Variants in PTPRN2 observed in about 807,000 individuals in gnomAD.
PTPRN2 encodes the protein protein tyrosine phosphatase receptor type N2.
A neutral mutation model predicts 118.8 loss-of-function variants in PTPRN2; 74 were observed. The ratio of observed to expected loss-of-function variants is 0.62; its 90% CI spans 0.52 to 0.76. PTPRN2 has a LOEUF of 0.76. PTPRN2 is among the 30% of genes least tolerant of loss of function. The pLI, the probability that PTPRN2 is intolerant of heterozygous loss-of-function variation, is 0.00. For missense variants in PTPRN2, 1,481 were observed against 1,394.4 expected (o/e 1.06, Z -0.99); for synonymous variants, 641 against 608.0 (o/e 1.05, Z -0.80).
At chr7:157,778,489 T>A (rs548415402) in intron 12 of PTPRN2, among the ~76,000 whole-genome samples, 1 of 151,248 alleles carries the variant, frequency 6.6e-6, no homozygotes, top group East Asian at 1.9e-4. Flanking sequence ...CATGTAAACA[T>A]GTACACGTGA....
intron 1 of PTPRN2, among the ~76,000 whole-genome samples, chr7:158,497,835 G>A (rs1267860057): frequency 6.6e-6 from 1 of 152,252 alleles, no homozygotes. Flanking sequence ...GGGGACACCT[G>A]TCCGTCCCCT....
At chr7:157,563,969 C>G (rs1381203612) in intron 21 of PTPRN2, among the ~76,000 whole-genome samples, 1 of 152,254 alleles carries the variant, frequency 6.6e-6, no homozygotes, top group Non-Finnish European at 1.5e-5. Context: ...GCTCTCTGCT[C>G]CATGGCCCCT....
intron 9 of PTPRN2, among the ~76,000 whole-genome samples, chr7:158,121,860 G>T (rs1563463641): frequency 6.6e-6 from 1 of 152,194 alleles, no homozygotes; most frequent in Non-Finnish European, 1.5e-5. Context: ...GGGCATCACG[G>T]CTCCTCTGTA....
At chr7:158,278,102 G>A (rs528579879) in intron 3 of PTPRN2, among the ~76,000 whole-genome samples, 13 of 152,278 alleles carry the variant, frequency 8.5e-5, no homozygotes, top group South Asian at 4.1e-4. Context: ...GAAAACAGGC[G>A]TCTGCAGGAG....
chr7:157,873,197 G>A (rs1181413401), intron 12 of PTPRN2, among the ~76,000 whole-genome samples: 1 of 152,254 alleles, frequency 6.6e-6, no homozygotes, highest in Non-Finnish European at 1.5e-5. Flanking sequence ...CTTGTGGGAG[G>A]GGGAGGCTCC....
intron 11 of PTPRN2, among the ~76,000 whole-genome samples, chr7:158,071,568 C>CGTGG (rs1811695915): frequency 4.2e-4 from 3 of 7,146 alleles, no homozygotes; most frequent in Non-Finnish European, 6.4e-4. Flanking sequence ...GGAGGTGCTC[C>CGTGG]TGGTGGAGGT....
At chr7:158,006,691 C>T (rs147095939) in intron 11 of PTPRN2, among the ~76,000 whole-genome samples, 68 of 152,322 alleles carry the variant, frequency 4.5e-4, no homozygotes, top group African/African-American at 8.4e-4. Flanking sequence ...TGGCTGTGCA[C>T]GCTGAGTGTC....
chr7:158,372,232 C>A (rs532912021), intron 2 of PTPRN2, among the ~76,000 whole-genome samples: 1 of 150,620 alleles, frequency 6.6e-6, no homozygotes, highest in African/African-American at 2.4e-5. Context: ...CCAGGCTGGA[C>A]CCCGGAGCTG....
intron 2 of PTPRN2, among the ~76,000 whole-genome samples, chr7:158,333,308 G>A (rs1396975695): frequency 2.9e-5 from 4 of 135,892 alleles, no homozygotes; most frequent in Non-Finnish European, 1.6e-5. Flanking sequence ...GACATCTGCA[G>A]ACGTCACTCA....
At chr7:158,403,176 C>T (rs565020784) in intron 2 of PTPRN2, among the ~76,000 whole-genome samples, 2 of 152,316 alleles carry the variant, frequency 1.3e-5, no homozygotes, top group African/African-American at 2.4e-5. Flanking sequence ...ACAGAATGCA[C>T]GTGGGCACGT....
rs1169701207 is a variant in PTPRN2 at position 158,138,424 on chromosome 7, C to G, written c.1002G>C (p.Glu334Asp). The G allele has an allele frequency of 6.2e-7, 1 of 1,613,574 alleles. No homozygotes were observed. The highest frequency in any genetic ancestry group is 2.2e-5 in the East Asian group (1 of 44,866). ...LSGLELDGMAELMAGLMQGVD... is the reference protein window; with the variant it reads ...LSGLELDGMADLMAGLMQGVD... ...CGCCTTGCATCAGGCCAGCCATCAG[C>G]TCAGCCATGCCGTCCAGCTCCAGGC... The change falls in exon 7 of 23, where the codon GAG becomes GAC. Residue 334 changes from glutamate (E) to aspartate (D), a missense_variant. This residue lies in a region of PTPRN2 where 1,115 missense variants were observed against 994.2 expected (regional missense o/e 1.12). Coordinates refer to ENST00000389418, the MANE Select transcript of PTPRN2 (RefSeq NM_002847.5).
chr7:158,291,947 A>T (rs144877373), intron 3 of PTPRN2, among the ~76,000 whole-genome samples: 24 of 152,366 alleles, frequency 1.6e-4, no homozygotes, highest in African/African-American at 5.8e-4. Flanking sequence ...ATCTGCCCAC[A>T]TGAGTCTAAA....
chr7:157,688,779 G>A (rs994024198), intron 12 of PTPRN2, among the ~76,000 whole-genome samples: 3 of 152,228 alleles, frequency 2.0e-5, no homozygotes, highest in African/African-American at 2.4e-5. Flanking sequence ...TGAGCAGAGG[G>A]CGAGGGAAAG....
chr7:157,957,892 A>T (rs1297721397), intron 11 of PTPRN2, among the ~76,000 whole-genome samples: 2 of 152,224 alleles, frequency 1.3e-5, no homozygotes, highest in Non-Finnish European at 2.9e-5. Context: ...TAATCCTGTG[A>T]GTCCAGCATT....
chr7:158,164,139 T>A (rs1822654645), intron 6 of PTPRN2, among the ~76,000 whole-genome samples: 1 of 152,118 alleles, frequency 6.6e-6, no homozygotes, highest in Non-Finnish European at 1.5e-5. Flanking sequence ...ATCCACACCC[T>A]GGGGTGTGGG....
At chr7:157,545,845 G>A (rs1227921476) in intron 22 of PTPRN2, among the ~76,000 whole-genome samples, 1 of 152,140 alleles carries the variant, frequency 6.6e-6, no homozygotes, top group Admixed American at 6.5e-5. Context: ...ACCAGGCGAC[G>A]TGACTTCCTC....
chr7:157,714,505 T>C (rs913553829), intron 12 of PTPRN2, among the ~76,000 whole-genome samples: 1 of 152,216 alleles, frequency 6.6e-6, no homozygotes, highest in Non-Finnish European at 1.5e-5. Flanking sequence ...TTAAGATCTG[T>C]AGAAAAATCT....
At chr7:158,459,581 CCA>C (rs571296274) in intron 2 of PTPRN2, among the ~76,000 whole-genome samples, 7 of 152,298 alleles carry the variant, frequency 4.6e-5, no homozygotes, top group African/African-American at 1.7e-4. Context: ...ACCCTGAGGG[CCA>C]CACACACATG....
chr7:157,701,152 A>C (rs1377662622), intron 12 of PTPRN2, among the ~76,000 whole-genome samples: 1 of 152,194 alleles, frequency 6.6e-6, no homozygotes, highest in Non-Finnish European at 1.5e-5. Flanking sequence ...TACAGATGAG[A>C]AAACCAAAGT....
Sources: gnomAD v4.1 joint callset for allele counts (sites outside exome capture counted in the v4.1 genomes callset) on GRCh38, gnomAD v4.1.1 for gene constraint, gnomAD v4.1.1 regional missense constraint, MANE v1.5 for transcripts, NCBI Gene and HGNC (gene_info 2026-07-23, HGNC 2026-07-21) for gene names.